ST6GALNAC2: variants seen among roughly 807,000 people sequenced by gnomAD.
ST6GALNAC2 encodes alpha-N-acetylgalactosaminide alpha-2,6-sialyltransferase 2.
A neutral mutation model predicts 38.7 loss-of-function variants in ST6GALNAC2; 42 were observed. The ratio of observed to expected loss-of-function variants is 1.09; its 90% CI spans 0.85 to 1.40. ST6GALNAC2 has a LOEUF of 1.40. ST6GALNAC2 is among the 40% of genes most tolerant of loss of function. The pLI is 0.00. For synonymous variants in ST6GALNAC2, 233 were observed against 209.0 expected, an observed-to-expected ratio of 1.11 and a Z score of -0.99; for missense variants, 506 against 481.7, an observed-to-expected ratio of 1.05 and a Z score of -0.47.
chr17:76,574,821 C>T lies in ST6GALNAC2; in HGVS notation c.187-282G>A, dbSNP rs906204195. ...CCTGCCGAGTAGCTGGGTCTACAGG[C>T]GCCCGCCACCACGCCCGGCTAATTT... On this transcript the variant is annotated intron_variant, in intron 2 of 8. Transcript: ENST00000225276. Among the ~76,000 whole-genome samples the T allele has an allele frequency of 6.6e-5, 10 of 152,156 alleles. No homozygotes were observed. The South Asian group carries it at 8.3e-4, about 13-fold the overall frequency.
chr17:76,581,016 C>T (rs867280365), intron 1 of ST6GALNAC2: 3 of 152,214 alleles, frequency 2.0e-5, no homozygotes, highest in African/African-American at 4.8e-5. Context: ...TCCCTTCACC[C>T]CAGCAGCCAC....
chr17:76,569,897 A>G (rs2075333565), intron 6 of ST6GALNAC2: 2 of 272,856 alleles, frequency 7.3e-6, no homozygotes, highest in African/African-American at 4.3e-5. Flanking sequence ...TGTCTGGGCC[A>G]CAGCAGTGGC....
chr17:76,569,468 G>A lies in ST6GALNAC2; in HGVS notation c.774-672C>T, dbSNP rs1598245694. On this transcript the variant is annotated intron_variant, in intron 6 of 8. Transcript: ENST00000225276. ...GGACTGGGGTTCAGGGACGAAGTCC[G>A]GGAAGAGGGCTGTGAGGCATTTGGG... 8 of 371,144 alleles carry A rather than the reference G, an allele frequency of 2.2e-5. No individual in the cohort carries two copies. The Admixed American group carries it at 2.9e-4, about 13-fold the overall frequency. The allele number at this position is 371,144 out of a possible 1,614,324, so 23.0% of individuals were successfully genotyped here.
chr17:76,566,237 C>A lies in ST6GALNAC2; in HGVS notation c.992G>T (p.Trp331Leu). The A allele has an allele frequency of 6.2e-7, 1 of 1,614,078 alleles. No homozygotes were observed. The highest frequency in any genetic ancestry group is 8.5e-7 in the Non-Finnish European group (1 of 1,180,020). The part of the protein sequence containing the change: ...SAYGFITSNY[W>L]KFSDHYFERK... Reference sequence around the variant, plus strand: ...TTCGAAATAGTGGTCGGAAAATTTCCAGTAGTTGCTTGTGATGAATCCATA... The same window carrying A: ...TTCGAAATAGTGGTCGGAAAATTTCAAGTAGTTGCTTGTGATGAATCCATA... Residue 331 changes from tryptophan to leucine, a missense_variant, in exon 9 of 9, where the codon TGG (tryptophan) becomes TTG (leucine). Coordinates refer to ENST00000225276, the MANE Select transcript of ST6GALNAC2 (RefSeq NM_006456.3).
intron 5 of ST6GALNAC2, among the ~76,000 whole-genome samples, chr17:76,571,704 C>A (rs1361937700): frequency 6.6e-6 from 1 of 152,204 alleles, no homozygotes; most frequent in Admixed American, 6.5e-5. Flanking sequence ...ACTCCTTAAG[C>A]CCCTGGTCAG....
At chr17:76,581,921 T>C (rs952988455) in intron 1 of ST6GALNAC2, among the ~76,000 whole-genome samples, 2 of 152,124 alleles carry the variant, frequency 1.3e-5, no homozygotes, top group South Asian at 2.1e-4. Flanking sequence ...GCTGGAGTAG[T>C]ACAGTGGTGC....
chr17:76,568,940 T>A, intron 6 of ST6GALNAC2, 144 bp from the exon 7 acceptor site: 3 of 688,012 alleles, frequency 4.4e-6, no homozygotes, highest in Non-Finnish European at 7.4e-6. Flanking sequence ...GAGAAGGGGG[T>A]GTAGAAGGTG....
intron 1 of ST6GALNAC2, among the ~76,000 whole-genome samples, chr17:76,584,782 G>T (rs2075524131): frequency 6.6e-6 from 1 of 152,252 alleles, no homozygotes; most frequent in African/African-American, 2.4e-5. Context: ...TAGCCCCCCA[G>T]CAAGGTTGGT....
intron 6 of ST6GALNAC2, 105 bp from the exon 7 acceptor site, chr17:76,568,901 G>A (rs887398012): frequency 1.0e-5 from 11 of 1,047,678 alleles, no homozygotes; most frequent in African/African-American, 4.8e-5. Flanking sequence ...TACCCTGAGC[G>A]GTAGGAGCGG....
At chr17:76,567,839 A>G in intron 7 of ST6GALNAC2, 2 of 352,592 alleles carry the variant, frequency 5.7e-6, no homozygotes, top group Non-Finnish European at 1.1e-5. Flanking sequence ...TGGCCTGTTT[A>G]TTTAGCCTGA....
chr17:76,577,508 C>T (rs2075430499), intron 2 of ST6GALNAC2, among the ~76,000 whole-genome samples: 1 of 151,814 alleles, frequency 6.6e-6, no homozygotes, highest in African/African-American at 2.4e-5. Flanking sequence ...TGACCTGGTC[C>T]AAGCACTCCT....
At chr17:76,574,585 G>A (rs756863389) in intron 2 of ST6GALNAC2, 46 bp from the exon 3 acceptor site, 1 of 1,452,560 alleles carries the variant, frequency 6.9e-7, no homozygotes, top group Non-Finnish European at 9.4e-7. Context: ...GTAGGGGCTG[G>A]GGTGGGTGGG....
intron 6 of ST6GALNAC2, chr17:76,569,917 T>G: frequency 4.4e-6 from 1 of 224,780 alleles, no homozygotes; most frequent in Non-Finnish European, 8.7e-6. Context: ...CGTCGATTTT[T>G]AGGGACCTGA....
At chr17:76,572,926 C>T in intron 4 of ST6GALNAC2, 151 bp from the exon 5 acceptor site, 2 of 1,030,924 alleles carry the variant, frequency 1.9e-6, no homozygotes, top group South Asian at 1.5e-5. Context: ...GTCAACCAGA[C>T]CCCCACTCCT....
At chr17:76,569,759 G>T in intron 6 of ST6GALNAC2, 8 of 232,906 alleles carry the variant, frequency 3.4e-5, no homozygotes, top group East Asian at 6.5e-5. Flanking sequence ...CAATTGTTGG[G>T]TAATCACCAA....
chr17:76,576,418 ATGTGGAAGTGGG>A (rs1416365400), intron 2 of ST6GALNAC2, among the ~76,000 whole-genome samples: 4 of 152,254 alleles, frequency 2.6e-5, no homozygotes, highest in South Asian at 2.1e-4. Context: ...CTTGAGATTG[ATGTGGAAGTGGG>A]TGTGGAAGTG....
intron 8 of ST6GALNAC2, 75 bp from the exon 9 acceptor site, chr17:76,566,346 A>T (rs2075282767): frequency 6.6e-7 from 1 of 1,511,660 alleles, no homozygotes; most frequent in Non-Finnish European, 9.1e-7. Flanking sequence ...AAGTGACATG[A>T]GTTTAGAAAG....
intron 6 of ST6GALNAC2, 72 bp from the exon 7 acceptor site, chr17:76,568,868 T>A: frequency 5.9e-5 from 83 of 1,398,612 alleles, no homozygotes; most frequent in Non-Finnish European, 7.5e-5. Context: ...GAGGGGAGGG[T>A]CAGGGCGCCG....
At chr17:76,570,306 T>TCCCACCCCCAGCCCACTGCCCCC (rs1287646306) in intron 6 of ST6GALNAC2, 2 of 484,348 alleles carry the variant, frequency 4.1e-6, no homozygotes, top group African/African-American at 3.9e-5. Context: ...GAGCTGCCTC[T>TCCCACCCCCAGCCCACTGCCCCC]CCCACCCCCA....
Sources: allele counts gnomAD v4.1 joint callset (sites outside exome capture counted in the v4.1 genomes callset), GRCh38; gene constraint gnomAD v4.1.1; transcripts MANE v1.5; gene names NCBI Gene and HGNC (gene_info 2026-07-23, HGNC 2026-07-21).